TCERG1L: variants seen among roughly 807,000 people sequenced by gnomAD.
TCERG1L encodes transcription elongation regulator 1-like protein.
A neutral mutation model predicts 56.3 loss-of-function variants in TCERG1L; 37 were observed. The observed-to-expected ratio is 0.66, with a 90% CI of 0.51 to 0.87. The LOEUF is 0.87. Among genes scored for constraint, TCERG1L ranks in the 40% least tolerant of loss-of-function variants. The pLI, the probability that TCERG1L is intolerant of heterozygous loss-of-function variation, is 0.00. For missense variants in TCERG1L, 799 were observed against 774.2 expected (o/e 1.03, Z -0.38); for synonymous variants, 324 against 326.3 (o/e 0.99, Z 0.08).
chr10:131,277,905 A>G (rs549702149), intron 3 of TCERG1L, among the ~76,000 whole-genome samples: 4 of 151,868 alleles, frequency 2.6e-5, no homozygotes, highest in Admixed American at 1.3e-4. Context: ...CTTGGGAGGG[A>G]AAAAGGCCAG....
At chr10:131,262,203 A>T (rs1360409114) in intron 3 of TCERG1L, among the ~76,000 whole-genome samples, 1 of 152,202 alleles carries the variant, frequency 6.6e-6, no homozygotes, top group Non-Finnish European at 1.5e-5. Context: ...TCTGAGTCTC[A>T]GCTGAATGTC....
intron 4 of TCERG1L, among the ~76,000 whole-genome samples, chr10:131,223,851 G>A (rs1845763103): frequency 1.4e-5 from 2 of 143,134 alleles, no homozygotes; most frequent in Admixed American, 1.4e-4. Flanking sequence ...CCCTCCCCCT[G>A]CCCACTGTAC....
At chr10:131,297,778 A>G (rs1846714421) in intron 3 of TCERG1L, among the ~76,000 whole-genome samples, 1 of 152,154 alleles carries the variant, frequency 6.6e-6, no homozygotes, top group African/African-American at 2.4e-5. Context: ...CATGTTTTCT[A>G]TTACTACTTC....
At chr10:131,294,191 T>C (rs542472515) in intron 3 of TCERG1L, among the ~76,000 whole-genome samples, 35 of 152,156 alleles carry the variant, frequency 2.3e-4, no homozygotes, top group Non-Finnish European at 4.4e-4. Flanking sequence ...CTTTAAATGA[T>C]CAGGCCCAGA....
At chr10:131,167,035 G>A (rs555525968) in intron 4 of TCERG1L, 150 bp from the exon 5 acceptor site, 2 of 680,070 alleles carry the variant, frequency 2.9e-6, no homozygotes, top group Non-Finnish European at 4.9e-6. Context: ...CCCTGTCCTT[G>A]GGTTGAAGTC....
At chr10:131,177,423 C>A (rs61864069) in intron 4 of TCERG1L, among the ~76,000 whole-genome samples, 2 of 152,198 alleles carry the variant, frequency 1.3e-5, no homozygotes, top group African/African-American at 4.8e-5. Flanking sequence ...GATACATGTA[C>A]GTAAACGTGA....
At chr10:131,110,209 T>TGCACC (rs1845397331) in intron 9 of TCERG1L, among the ~76,000 whole-genome samples, 1 of 152,162 alleles carries the variant, frequency 6.6e-6, no homozygotes, top group Non-Finnish European at 1.5e-5. Flanking sequence ...GTTTTCCAGA[T>TGCACC]CAAGTGGCAA....
At chr10:131,213,715 C>G (rs948881543) in intron 4 of TCERG1L, among the ~76,000 whole-genome samples, 1 of 152,346 alleles carries the variant, frequency 6.6e-6, no homozygotes, top group Non-Finnish European at 1.5e-5. Flanking sequence ...TCTCCCTGGA[C>G]CCTGCTCTCC....
intron 4 of TCERG1L, among the ~76,000 whole-genome samples, chr10:131,213,003 A>G (rs1355688740): frequency 6.6e-6 from 1 of 152,198 alleles, no homozygotes. Context: ...GACTTTAGTC[A>G]CCCATCAGCT....
intron 3 of TCERG1L, among the ~76,000 whole-genome samples, chr10:131,278,590 G>A (rs1176586367): frequency 3.3e-5 from 5 of 151,910 alleles, no homozygotes; most frequent in African/African-American, 4.8e-5. Context: ...TGATCCACCC[G>A]CCTCGGCCTC....
intron 4 of TCERG1L, among the ~76,000 whole-genome samples, chr10:131,180,647 G>A (rs1845163402): frequency 6.6e-6 from 1 of 152,166 alleles, no homozygotes; most frequent in South Asian, 2.1e-4. Context: ...TGAAGTGTTG[G>A]AGCCGTAAAG....
chr10:131,212,670 C>T (rs545361071), intron 4 of TCERG1L, among the ~76,000 whole-genome samples: 78 of 152,322 alleles, frequency 5.1e-4, no homozygotes, highest in Non-Finnish European at 5.7e-4. Flanking sequence ...GTCTACAGTT[C>T]CAAAATTCTC....
intron 4 of TCERG1L, among the ~76,000 whole-genome samples, chr10:131,229,852 A>T (rs1175509432): frequency 2.0e-5 from 3 of 152,202 alleles, no homozygotes. Flanking sequence ...AGTGATAATA[A>T]TAATAAAGAA....
intron 8 of TCERG1L, among the ~76,000 whole-genome samples, chr10:131,121,426 T>C (rs1845511751): frequency 6.6e-6 from 1 of 152,244 alleles, no homozygotes; most frequent in East Asian, 1.9e-4. Flanking sequence ...ACCGCAATTC[T>C]ATGATGCAAA....
intron 5 of TCERG1L, chr10:131,163,874 A>C (rs7906019): frequency 0.17 from 26,230 of 152,324 alleles, 2,786 homozygotes; most frequent in East Asian, 0.34. Flanking sequence ...TCACGCCTGT[A>C]ATCCCAGCAC....
chr10:131,190,290 G>C (rs1845289997), intron 4 of TCERG1L, among the ~76,000 whole-genome samples: 1 of 152,062 alleles, frequency 6.6e-6, no homozygotes, highest in South Asian at 2.1e-4. Flanking sequence ...TTTTAAAATT[G>C]CCACACAAAG....
chr10:131,255,955 G>A (rs1846161180), intron 4 of TCERG1L, among the ~76,000 whole-genome samples: 1 of 152,192 alleles, frequency 6.6e-6, no homozygotes, highest in Non-Finnish European at 1.5e-5. Flanking sequence ...CTATACAAAA[G>A]GGGTTTGTTG....
At chr10:131,283,119 C>CA (rs1280308730) in intron 3 of TCERG1L, among the ~76,000 whole-genome samples, 6 of 152,208 alleles carry the variant, frequency 3.9e-5, no homozygotes, top group African/African-American at 1.4e-4. Context: ...TGAAGTGAGT[C>CA]ATGTCTGCCA....
At chr10:131,241,476 C>T (rs751562145) in intron 4 of TCERG1L, among the ~76,000 whole-genome samples, 1 of 151,946 alleles carries the variant, frequency 6.6e-6, no homozygotes, top group African/African-American at 2.4e-5. Flanking sequence ...CCATACGCAA[C>T]ATGAACACAG....
Sources: allele counts gnomAD v4.1 joint callset (sites outside exome capture counted in the v4.1 genomes callset), GRCh38; gene constraint gnomAD v4.1.1; transcripts MANE v1.5; gene names NCBI Gene and HGNC (gene_info 2026-07-23, HGNC 2026-07-21).